The following IMMP2L variants were observed in gnomAD, a reference collection of about 807,000 sequenced individuals.
IMMP2L encodes mitochondrial inner membrane protease subunit 2.
A neutral mutation model predicts 19.3 loss-of-function variants in IMMP2L; 18 were observed. That is an observed-to-expected ratio of 0.93 (90% confidence interval 0.64 to 1.38). The LOEUF is 1.38. IMMP2L is among the 40% of genes most tolerant of loss of function. The probability of loss-of-function intolerance (pLI) is 0.00; values close to 1 mark genes in which losing one functional copy is unlikely to be tolerated. For synonymous variants in IMMP2L, 76 were observed against 73.0 expected (o/e 1.04, Z -0.21); for missense variants, 233 against 218.2 (o/e 1.07, Z -0.43).
intron 3 of IMMP2L, among the ~76,000 whole-genome samples, chr7:111,191,419 C>G (rs1808854774): frequency 7.9e-6 from 1 of 126,788 alleles, no homozygotes; most frequent in Non-Finnish European, 1.7e-5. Flanking sequence ...AGGTAAAATG[C>G]TGCTGCTCAA....
chr7:111,168,417 G>A (rs986135195), intron 3 of IMMP2L, among the ~76,000 whole-genome samples: 6 of 151,740 alleles, frequency 4.0e-5, no homozygotes, highest in Non-Finnish European at 7.4e-5. Flanking sequence ...TAAACAGGAG[G>A]TTTGGATGTG....
At chr7:110,848,121 A>G (rs775290786) in intron 5 of IMMP2L, among the ~76,000 whole-genome samples, 1 of 152,178 alleles carries the variant, frequency 6.6e-6, no homozygotes, top group East Asian at 1.9e-4. Context: ...GAATCAGACA[A>G]TAAGCCACAG....
At chr7:111,066,642 C>CAGATCCA (rs1170535861) in intron 3 of IMMP2L, among the ~76,000 whole-genome samples, 11 of 152,140 alleles carry the variant, frequency 7.2e-5, no homozygotes, top group Non-Finnish European at 1.3e-4. Flanking sequence ...ATCCACTCTC[C>CAGATCCA]CTATTGTTTT....
intron 1 of IMMP2L, among the ~76,000 whole-genome samples, chr7:111,560,447 ATCT>A (rs1563360982): frequency 6.6e-6 from 1 of 152,230 alleles, no homozygotes; most frequent in African/African-American, 2.4e-5. Flanking sequence ...AGTTATCCTC[ATCT>A]AATTATTATA....
intron 5 of IMMP2L, among the ~76,000 whole-genome samples, chr7:110,786,108 G>A (rs1800058741): frequency 6.6e-6 from 1 of 151,786 alleles, no homozygotes; most frequent in African/African-American, 2.4e-5. Context: ...ATTATAAAGA[G>A]TCTTTTAACT....
At chr7:111,447,909 T>G (rs999384711) in intron 3 of IMMP2L, among the ~76,000 whole-genome samples, 4 of 148,072 alleles carry the variant, frequency 2.7e-5, no homozygotes, top group African/African-American at 5.1e-5. Context: ...GTTGCAATCC[T>G]AGTCTCTGAT....
intron 3 of IMMP2L, among the ~76,000 whole-genome samples, chr7:111,417,392 A>C (rs1385750285): frequency 6.6e-6 from 1 of 151,778 alleles, no homozygotes. Context: ...ATACATTCAG[A>C]ATTGGTAGCA....
At chr7:110,687,815 A>T (rs1312163965) in intron 5 of IMMP2L, among the ~76,000 whole-genome samples, 1 of 151,938 alleles carries the variant, frequency 6.6e-6, no homozygotes, top group Non-Finnish European at 1.5e-5. Flanking sequence ...CTTTTCTGTG[A>T]TGTAATCTTT....
At position 110,906,974 on chromosome 7, in the gene IMMP2L, A is replaced by G. The variant is rs888311738; in HGVS notation, c.306-20279T>C. Among the ~76,000 whole-genome samples the G allele has an allele frequency of 4.6e-5, 7 of 150,596 alleles. No individual in the cohort carries two copies. The East Asian group carries it at 1.0e-3, about 22-fold the overall frequency. On this transcript the variant is annotated intron_variant, in intron 4 of 5. Transcript: ENST00000405709. ...ACAGGGAGCACAGGTGAGCAGGTAC[A>G]GGAGCTGGGGTGAGTACTTTTGGGT...
intron 5 of IMMP2L, among the ~76,000 whole-genome samples, chr7:110,802,339 G>A (rs10281849): frequency 2.5e-3 from 12 of 4,870 alleles, no homozygotes; most frequent in Non-Finnish European, 0.013. Flanking sequence ...GTATGTGTGT[G>A]TGTGTGTGTG....
At chr7:110,836,163 A>T (rs1217154560) in intron 5 of IMMP2L, among the ~76,000 whole-genome samples, 1 of 152,170 alleles carries the variant, frequency 6.6e-6, no homozygotes, top group African/African-American at 2.4e-5. Flanking sequence ...CAATTCAGAA[A>T]TGATAAGGTT....
intron 3 of IMMP2L, among the ~76,000 whole-genome samples, chr7:111,237,339 T>C (rs1369450527): frequency 1.3e-5 from 2 of 152,126 alleles, no homozygotes; most frequent in East Asian, 1.9e-4. Flanking sequence ...TAAAATTGTG[T>C]ATTGTGTCCT....
intron 3 of IMMP2L, among the ~76,000 whole-genome samples, chr7:111,352,220 T>G (rs1226670243): frequency 1.3e-5 from 2 of 152,082 alleles, no homozygotes; most frequent in Non-Finnish European, 2.9e-5. Context: ...GAAGTATTTT[T>G]TAAGAAAACC....
chr7:110,967,302 G>A (rs764612632), intron 3 of IMMP2L, among the ~76,000 whole-genome samples: 1 of 151,838 alleles, frequency 6.6e-6, no homozygotes, highest in Non-Finnish European at 1.5e-5. Flanking sequence ...ACCCTGTTGG[G>A]AGCACTTGAA....
intron 3 of IMMP2L, among the ~76,000 whole-genome samples, chr7:111,063,191 T>C (rs1794179535): frequency 6.6e-6 from 1 of 152,224 alleles, no homozygotes; most frequent in African/African-American, 2.4e-5. Context: ...CCTCAATTCT[T>C]GACTTCTATG....
chr7:110,730,982 A>G (rs1796240366), intron 5 of IMMP2L, among the ~76,000 whole-genome samples: 1 of 152,244 alleles, frequency 6.6e-6, no homozygotes, highest in East Asian at 1.9e-4. Flanking sequence ...ATGAGTATAT[A>G]CAAAACTAAA....
intron 5 of IMMP2L, among the ~76,000 whole-genome samples, chr7:110,774,440 T>A (rs1250671893): frequency 6.6e-6 from 1 of 152,062 alleles, no homozygotes; most frequent in Non-Finnish European, 1.5e-5. Flanking sequence ...TTTAACAGTA[T>A]TTTTTACTAC....
At chr7:111,332,067 G>A (rs1323903169) in intron 3 of IMMP2L, among the ~76,000 whole-genome samples, 1 of 151,688 alleles carries the variant, frequency 6.6e-6, no homozygotes, top group African/African-American at 2.4e-5. Flanking sequence ...AAAACAATAA[G>A]ACAAAAAGGC....
In IMMP2L at chr7:110,663,693, G is replaced by T; in HGVS notation, c.437C>A (p.Ala146Asp). The change falls in exon 6 of 6, where the codon GCC (alanine) becomes GAC (aspartate). Residue 146 changes from alanine (A) to aspartate (D), a missense_variant. Coordinates refer to ENST00000405709, the MANE Select transcript of IMMP2L (RefSeq NM_032549.4). ...CTCTGGGGGCCACAGGATATGTGTG[G>T]CATGGGCATGCAGAAGTCCTAGGGA... ...PVSLGLLHAH[A>D]THILWPPERW... The T allele has an allele frequency of 1.9e-6, 3 of 1,602,970 alleles. No individual in the cohort carries two copies. Among genetic ancestry groups the T allele is most frequent in the Non-Finnish European group, 2.6e-6 (3 of 1,174,558 alleles).
Sources: gnomAD v4.1 joint callset for allele counts (sites outside exome capture counted in the v4.1 genomes callset) on GRCh38, gnomAD v4.1.1 for gene constraint, MANE v1.5 for transcripts, NCBI Gene and HGNC (gene_info 2026-07-23, HGNC 2026-07-21) for gene names.